Variants in KIF5B observed in about 807,000 individuals in gnomAD.
KIF5B encodes kinesin family member 5B.
A neutral mutation model predicts 132.8 loss-of-function variants in KIF5B; 49 were observed. The observed-to-expected ratio is 0.37, with a 90% CI of 0.29 to 0.47. The LOEUF (loss-of-function observed/expected upper bound fraction) is 0.47, where lower values mean the gene tolerates loss of function less well. Among genes scored for constraint, KIF5B ranks in the 20% least tolerant of loss-of-function variants. The pLI, the probability that KIF5B is intolerant of heterozygous loss-of-function variation, is 1.00. For missense variants in KIF5B, 780 were observed against 1,144.0 expected (o/e 0.68, Z 4.59); for synonymous variants, 355 against 369.4 (o/e 0.96, Z 0.45).
At chr10:32,014,254 G>A (rs1036688989) in intron 25 of KIF5B, among the ~76,000 whole-genome samples, 1 of 152,100 alleles carries the variant, frequency 6.6e-6, no homozygotes, top group Non-Finnish European at 1.5e-5. Flanking sequence ...TAGCCGGTGT[G>A]GTGGTGCACG....
intron 2 of KIF5B, among the ~76,000 whole-genome samples, 169 bp from the exon 3 acceptor site, chr10:32,040,626 AACACACACACACACAC>A (rs72393080): frequency 1.4e-5 from 2 of 142,084 alleles, no homozygotes; most frequent in Non-Finnish European, 3.1e-5. Context: ...AACACCCTAA[AACACACACACACACAC>A]ACACACACAC....
intron 23 of KIF5B, among the ~76,000 whole-genome samples, chr10:32,017,722 A>C (rs1841194968): frequency 6.6e-6 from 1 of 151,958 alleles, no homozygotes; most frequent in African/African-American, 2.4e-5. Flanking sequence ...TAAAAAGACC[A>C]CTCTCCCCAA....
At chr10:32,054,203 CT>C (rs1484993591) in intron 1 of KIF5B, among the ~76,000 whole-genome samples, 1 of 152,212 alleles carries the variant, frequency 6.6e-6, no homozygotes, top group Non-Finnish European at 1.5e-5. Context: ...CACAAAAACT[CT>C]TAAGAAACTA....
intron 15 of KIF5B, among the ~76,000 whole-genome samples, chr10:32,026,869 A>C (rs1197614334): frequency 1.3e-5 from 2 of 152,200 alleles, no homozygotes; most frequent in Non-Finnish European, 2.9e-5. Context: ...ATAGGGCCGA[A>C]ATGTTCAGAC....
At chr10:32,046,266 G>A (rs1378781325) in intron 2 of KIF5B, among the ~76,000 whole-genome samples, 2 of 152,142 alleles carry the variant, frequency 1.3e-5, no homozygotes, top group East Asian at 3.8e-4. Flanking sequence ...ATCTTAAACT[G>A]TACTGATGAG....
intron 8 of KIF5B, among the ~76,000 whole-genome samples, chr10:32,036,450 C>T (rs1841460578): frequency 6.6e-6 from 1 of 151,724 alleles, no homozygotes; most frequent in Non-Finnish European, 1.5e-5. Context: ...GACTGAGTCT[C>T]ACTCTGTCAC....
At chr10:32,048,921 T>A (rs1262386495) in intron 1 of KIF5B, among the ~76,000 whole-genome samples, 2 of 152,250 alleles carry the variant, frequency 1.3e-5, no homozygotes, top group African/African-American at 4.8e-5. Context: ...CAGGCTGGAG[T>A]GCAGTGGCAC....
rs1285469884 is a variant in KIF5B, at chr10:32,009,274, ATT to A, written c.*2261_*2262del. On this transcript the variant is annotated 3_prime_UTR_variant, in exon 26 of 26. Coordinates refer to ENST00000302418, the MANE Select transcript of KIF5B (RefSeq NM_004521.3). ...ATTTAATTAATCGCCATGAATAAAT[ATT>A]CTCTTTATTTCATTGAGTTTCTCTT... The A allele has an allele frequency of 6.6e-6, 1 of 152,194 alleles. No individual in the cohort carries two copies. Among genetic ancestry groups the A allele is most frequent in the Non-Finnish European group, 1.5e-5 (1 of 68,036 alleles). 9.4% of individuals were successfully genotyped at this position (152,194 alleles called of 1,614,324 possible).
intron 23 of KIF5B, 139 bp downstream of exon 23, chr10:32,017,913 T>C: frequency 4.2e-6 from 2 of 478,944 alleles, no homozygotes; most frequent in Non-Finnish European, 7.7e-6. Flanking sequence ...TACTTATGGT[T>C]TCTTTATATA....
At chr10:32,049,263 T>G (rs762698002) in intron 1 of KIF5B, among the ~76,000 whole-genome samples, 1 of 152,122 alleles carries the variant, frequency 6.6e-6, no homozygotes, top group East Asian at 1.9e-4. Context: ...CATTAAAAAA[T>G]TAAGTGACCA....
Position 32,056,055 on chromosome 10 carries a change from G to C in KIF5B, c.-82C>G. ...GGGAACGCGCCGGACCTGAGGGCTT[G>C]TGGTCGCGAGGGCCGTGAGAGGCAG... is the stretch of plus-strand genomic sequence containing the variant. On this transcript the variant is annotated 5_prime_UTR_variant, in exon 1 of 26. Transcript: ENST00000302418. The C allele has an allele frequency of 6.5e-7, 1 of 1,535,772 alleles. No individual in the cohort carries two copies. Among genetic ancestry groups the C allele is most frequent in the South Asian group, 1.1e-5 (1 of 87,766 alleles).
chr10:32,016,616 A>C (rs1841170407), intron 24 of KIF5B, among the ~76,000 whole-genome samples: 1 of 151,996 alleles, frequency 6.6e-6, no homozygotes, highest in African/African-American at 2.4e-5. Flanking sequence ...ATCTCGGCTC[A>C]TTGCAATCTC....
chr10:32,015,443 CA>C, intron 25 of KIF5B, 65 bp downstream of exon 25: 2 of 1,284,336 alleles, frequency 1.6e-6, no homozygotes, highest in Non-Finnish European at 1.0e-6. Flanking sequence ...TTTTTAAAAC[CA>C]AAAAACCTAT....
rs1415407334 is a variant in KIF5B, at chr10:32,021,142, G to T, written c.2095-11C>A. 3.7e-6 allele frequency: 6 copies of T among 1,609,222 alleles called. No homozygotes were observed. The highest frequency in any genetic ancestry group is 3.3e-4 in the Middle Eastern group (2 of 6,042). ...CTGTTCAACAGCTTGCTAAAATTTT[G>T]GGGGGGAAAAGGATGTTAAAGTCAG... On this transcript the variant is annotated splice_polypyrimidine_tract_variant and intron_variant, in intron 18 of 25. Coordinates refer to ENST00000302418, the MANE Select transcript of KIF5B (RefSeq NM_004521.3).
intron 15 of KIF5B, among the ~76,000 whole-genome samples, chr10:32,027,132 C>T (rs1841343807): frequency 6.6e-6 from 1 of 152,072 alleles, no homozygotes; most frequent in Admixed American, 6.5e-5. Flanking sequence ...ATATTGAAAA[C>T]TTTTACGTCA....
intron 25 of KIF5B, among the ~76,000 whole-genome samples, chr10:32,012,400 C>T (rs906629654): frequency 1.3e-5 from 2 of 152,098 alleles, no homozygotes; most frequent in East Asian, 1.9e-4. Flanking sequence ...TGCTTGAACC[C>T]GGGAAGCAGA....
At chr10:32,047,536 A>C (rs972739808) in intron 2 of KIF5B, among the ~76,000 whole-genome samples, 1 of 151,840 alleles carries the variant, frequency 6.6e-6, no homozygotes, top group African/African-American at 2.4e-5. Flanking sequence ...TTTTCCTAGA[A>C]CCTCTTCCCC....
At chr10:32,029,483 T>C (rs1315684589) in intron 14 of KIF5B, among the ~76,000 whole-genome samples, 5 of 152,250 alleles carry the variant, frequency 3.3e-5, no homozygotes, top group Non-Finnish European at 7.3e-5. Context: ...TTATTTCTTA[T>C]GGTAGTTCGT....
chr10:32,043,959 C>T (rs1401615559), intron 2 of KIF5B, among the ~76,000 whole-genome samples: 1 of 152,150 alleles, frequency 6.6e-6, no homozygotes, highest in East Asian at 1.9e-4. Context: ...GCTTCTCATC[C>T]AATCTGTTTA....
Sources: allele counts gnomAD v4.1 joint callset (sites outside exome capture counted in the v4.1 genomes callset), GRCh38; gene constraint gnomAD v4.1.1; transcripts MANE v1.5; gene names NCBI Gene and HGNC (gene_info 2026-07-23, HGNC 2026-07-21).